The following TXNDC11 variants were observed in gnomAD, a reference collection of about 807,000 sequenced individuals.
TXNDC11 encodes the protein thioredoxin domain containing 11.
TXNDC11 carries 68 observed loss-of-function variants against 78.0 expected under a neutral mutation model. The ratio of observed to expected loss-of-function variants is 0.87; its 90% CI spans 0.72 to 1.07. TXNDC11 has a LOEUF of 1.07. Ranked by LOEUF, TXNDC11 falls within the 50% of genes least tolerant of loss-of-function variation. The probability of loss-of-function intolerance (pLI) is 0.00; values close to 1 mark genes in which losing one functional copy is unlikely to be tolerated. For missense variants in TXNDC11, 1,389 were observed against 1,221.8 expected, an observed-to-expected ratio of 1.14 and a Z score of -2.04; for synonymous variants, 571 against 495.2, an observed-to-expected ratio of 1.15 and a Z score of -2.03.
rs780733686 is a variant in TXNDC11, at chr16:11,734,042, C to T, written c.509G>A (p.Gly170Glu). Residue 170 changes from glycine to glutamate, a missense_variant, in exon 3 of 12, where the codon GGG (glycine) becomes GAG (glutamate). Transcript: ENST00000283033. Reference protein sequence around the residue: ...FVAINCWWNQGKCRKQKHFFY... With the variant: ...FVAINCWWNQEKCRKQKHFFY... The stretch of plus-strand genomic sequence containing the variant: ...GAAGTGTTTCTGTTTTCTGCATTTC[C>T]CCTGGTTCCACCAACAGTTAATTGC... The T allele has an allele frequency of 5.0e-6, 8 of 1,603,658 alleles. No homozygotes were observed. The highest frequency in any genetic ancestry group is 6.8e-6 in the Non-Finnish European group (8 of 1,177,858).
At position 11,687,914 on chromosome 16, in the gene TXNDC11, T is replaced by C. The variant is rs145705576; in HGVS notation, c.2096A>G (p.Asn699Ser). 9 of 1,613,872 alleles carry C rather than the reference T, an allele frequency of 5.6e-6. No homozygotes were observed. The highest frequency in any genetic ancestry group is 3.4e-6 in the Non-Finnish European group (4 of 1,179,886). The change falls in exon 10 of 12, where the codon AAT becomes AGT. Residue 699 changes from asparagine to serine, a missense_variant. Transcript: ENST00000283033. ...APWCGFCPSL[N>S]HIFIQLARNL... ...CCGAGCTAGCTGGATGAAGATGTGA[T>C]TGAGGGATGGACAGAAGCCGCACCA...
intron 7 of TXNDC11, among the ~76,000 whole-genome samples, chr16:11,696,735 G>T (rs2050869595): frequency 6.6e-6 from 1 of 151,940 alleles, no homozygotes; most frequent in South Asian, 2.1e-4. Flanking sequence ...GAGGCCTGTT[G>T]GTAGGTGGAG....
intron 5 of TXNDC11, among the ~76,000 whole-genome samples, chr16:11,714,534 G>T (rs937455201): frequency 6.6e-6 from 1 of 151,920 alleles, no homozygotes; most frequent in South Asian, 2.1e-4. Flanking sequence ...CAGCTACTCG[G>T]GAAGCTGAGG....
chr16:11,679,315 C>T lies in TXNDC11; in HGVS notation c.2757G>A (p.Glu919=). 6.2e-7 allele frequency: 1 copy of T among 1,612,630 alleles called. No individual in the cohort carries two copies. The highest frequency in any genetic ancestry group is 8.5e-7 in the Non-Finnish European group (1 of 1,179,728). ...AGGGCTCAGGCTGCTTGGGGTGGAC[C>T]TCTCTCTGGGCCGCCAGGCTTTCAG... The part of the protein sequence containing the change: ...DGAESLAAQR[E]VHPKQPEPSA... The change falls in exon 12 of 12, where the codon GAG becomes GAA. Residue 919 remains glutamate, a synonymous_variant. Coordinates refer to ENST00000283033, the MANE Select transcript of TXNDC11 (RefSeq NM_015914.7). The surrounding 1 kb of genome is among the most constrained non-coding windows in gnomAD (Gnocchi z 4.6).
chr16:11,722,909 G>A (rs1317419492), intron 4 of TXNDC11, among the ~76,000 whole-genome samples: 1 of 152,146 alleles, frequency 6.6e-6, no homozygotes, highest in Non-Finnish European at 1.5e-5. Context: ...TAAACCACTT[G>A]CTTGTTGTAA....
At chr16:11,712,960 A>ACACACACACACACAC (rs1555486939) in intron 5 of TXNDC11, among the ~76,000 whole-genome samples, 2 of 151,564 alleles carry the variant, frequency 1.3e-5, no homozygotes, top group Non-Finnish European at 2.9e-5. Context: ...ACACACACAG[A>ACACACACACACACAC]AATCAGTTGG....
At position 11,734,093 on chromosome 16, in the gene TXNDC11, A is replaced by G. The variant is rs1232814371; in HGVS notation, c.472-14T>C. 3 of 1,548,890 alleles carry G rather than the reference A, an allele frequency of 1.9e-6. No homozygotes were observed. The highest frequency in any genetic ancestry group is 2.6e-6 in the Non-Finnish European group (3 of 1,142,222). ...CACAAACAACACCTGCAGAGCCAAA[A>G]AAGGTTTTCAAATGACTATGAATAA... On this transcript the variant is annotated splice_polypyrimidine_tract_variant and intron_variant, in intron 2 of 11. Transcript: ENST00000283033.
chr16:11,722,750 T>C (rs2051747754), intron 4 of TXNDC11, among the ~76,000 whole-genome samples: 1 of 152,222 alleles, frequency 6.6e-6, no homozygotes, highest in Non-Finnish European at 1.5e-5. Context: ...TCTATATTAG[T>C]AAGTCATTGT....
At chr16:11,697,194 G>A (rs912323517) in intron 7 of TXNDC11, among the ~76,000 whole-genome samples, 14 of 152,280 alleles carry the variant, frequency 9.2e-5, no homozygotes, top group Non-Finnish European at 1.9e-4. Flanking sequence ...TCCCCAGAGG[G>A]AATCATAACT....
intron 11 of TXNDC11, among the ~76,000 whole-genome samples, chr16:11,682,216 A>G (rs1232387654): frequency 6.6e-6 from 1 of 152,228 alleles, no homozygotes; most frequent in East Asian, 1.9e-4. Flanking sequence ...TGGCTAAACC[A>G]AACACTCGCT....
intron 10 of TXNDC11, among the ~76,000 whole-genome samples, chr16:11,686,003 G>A (rs969505957): frequency 1.3e-5 from 2 of 151,910 alleles, no homozygotes; most frequent in African/African-American, 4.8e-5. Flanking sequence ...CTGTCGCCCA[G>A]GCTGGAATGC....
intron 1 of TXNDC11, among the ~76,000 whole-genome samples, chr16:11,739,852 C>G (rs935009512): frequency 6.6e-6 from 1 of 151,764 alleles, no homozygotes; most frequent in African/African-American, 2.4e-5. Flanking sequence ...TTGAAAAGAG[C>G]AGACATTTAT....
At chr16:11,723,323 G>A (rs986385268) in intron 4 of TXNDC11, among the ~76,000 whole-genome samples, 4 of 151,762 alleles carry the variant, frequency 2.6e-5, no homozygotes, top group South Asian at 2.1e-4. Context: ...CCTGGCTCAC[G>A]CCTGTAATCC....
At chr16:11,723,278 G>GA (rs112887609) in intron 4 of TXNDC11, among the ~76,000 whole-genome samples, 60 of 143,530 alleles carry the variant, frequency 4.2e-4, no homozygotes, top group South Asian at 8.9e-4. Flanking sequence ...AGAAAAAAAA[G>GA]AAAAAAAAAA....
chr16:11,697,601 A>G (rs1433417690), intron 7 of TXNDC11, among the ~76,000 whole-genome samples: 3 of 152,164 alleles, frequency 2.0e-5, no homozygotes. Context: ...GCTGCCTCTG[A>G]AAACCACTCT....
intron 11 of TXNDC11, among the ~76,000 whole-genome samples, chr16:11,683,749 T>C (rs2050493773): frequency 3.1e-5 from 1 of 32,010 alleles, no homozygotes; most frequent in East Asian, 5.8e-4. Context: ...CTAAGGACAC[T>C]TTTTTTTTTT....
intron 5 of TXNDC11, among the ~76,000 whole-genome samples, chr16:11,707,473 G>C (rs976820564): frequency 1.3e-5 from 2 of 149,736 alleles, no homozygotes; most frequent in African/African-American, 2.5e-5. Flanking sequence ...TTTAAAGACA[G>C]AGTCTCACTT....
chr16:11,694,808 A>C (rs1441935921), intron 7 of TXNDC11, among the ~76,000 whole-genome samples: 1 of 152,232 alleles, frequency 6.6e-6, no homozygotes, highest in Non-Finnish European at 1.5e-5. Context: ...AGGGGAATTT[A>C]TGTTTCTATT....
chr16:11,700,617 C>T (rs768496290), intron 5 of TXNDC11, 53 bp from the exon 6 acceptor site: 11 of 860,126 alleles, frequency 1.3e-5, no homozygotes, highest in Non-Finnish European at 1.6e-5. Flanking sequence ...CTTAAAACAA[C>T]CACAAAACCC....
Sources: allele counts gnomAD v4.1 joint callset (sites outside exome capture counted in the v4.1 genomes callset), GRCh38; gene constraint gnomAD v4.1.1; non-coding constraint Gnocchi (gnomAD v3.1); transcripts MANE v1.5; gene names NCBI Gene and HGNC (gene_info 2026-07-23, HGNC 2026-07-21).